Variants in ABHD17A observed in about 807,000 individuals in gnomAD.
ABHD17A encodes the protein alpha/beta hydrolase domain-containing protein 17A.
ABHD17A carries 10 observed loss-of-function variants against 26.8 expected under a neutral mutation model. The ratio of observed to expected loss-of-function variants is 0.37; its 90% CI spans 0.23 to 0.63. The LOEUF is 0.63. ABHD17A is among the 30% of genes least tolerant of loss of function. ABHD17A has a pLI of 0.61. For missense variants in ABHD17A, 292 were observed against 457.3 expected, an observed-to-expected ratio of 0.64 and a Z score of 3.30; for synonymous variants, 167 against 210.9, an observed-to-expected ratio of 0.79 and a Z score of 1.80.
rs759751377 is a variant in ABHD17A at position 1,877,184 on chromosome 19, C to G, written c.*16G>C. The G allele has an allele frequency of 1.1e-5, 15 of 1,399,996 alleles. No individual in the cohort carries two copies. The highest frequency in any genetic ancestry group is 7.2e-5 in the African/African-American group (5 of 69,528). 86.7% of individuals were successfully genotyped at this position (1,399,996 alleles called of 1,614,324 possible). A position where few individuals can be genotyped will look rare whatever the true frequency, so the allele number is the denominator to read the frequency against. On this transcript the variant is annotated 3_prime_UTR_variant, in exon 5 of 5. Transcript: ENST00000292577. ...GGGCCGCCTTATTGCTGAGGTCCGG[C>G]CGGTTGGGGCCGCCGCTAGGCGCGC... is the stretch of plus-strand genomic sequence containing the variant.
chr19:1,880,119 G>C lies in ABHD17A; in HGVS notation c.333-4C>G. Reference sequence around the variant, plus strand: ...GTGCGAGAAGAGGACCGTGTACCTGGGACAGGCCGAGAAGGGCCGTTCACA... The same window carrying C: ...GTGCGAGAAGAGGACCGTGTACCTGCGACAGGCCGAGAAGGGCCGTTCACA... On this transcript the variant is annotated splice_region_variant and splice_polypyrimidine_tract_variant and intron_variant, in intron 2 of 4. Transcript: ENST00000292577. The surrounding 1 kb of genome is among the most constrained non-coding windows in gnomAD (Gnocchi z 4.1). 2 of 1,612,762 alleles carry C rather than the reference G, an allele frequency of 1.2e-6. No homozygotes were observed. The highest frequency in any genetic ancestry group is 1.1e-5 in the South Asian group (1 of 91,060).
rs1785317408 is a variant in ABHD17A, at chr19:1,880,984, T to TG, written c.332+250dup. 1 of 1,612,410 alleles carries TG rather than the reference T, an allele frequency of 6.2e-7. No homozygotes were observed. ...AGGCAACCACCAGGCGCTGGGTTGT[T>TG]GGAGTCGCCCAGCCTGCCCACCCAT... On this transcript the variant is annotated intron_variant, in intron 2 of 4. Coordinates refer to ENST00000292577, the MANE Select transcript of ABHD17A (RefSeq NM_001130111.2). The surrounding 1 kb of genome is among the most constrained non-coding windows in gnomAD (Gnocchi z 4.1).
intron 1 of ABHD17A, chr19:1,882,575 A>C (rs1219945400): frequency 6.6e-6 from 1 of 152,080 alleles, no homozygotes; most frequent in South Asian, 2.1e-4. Flanking sequence ...ATAAGTGCAG[A>C]CACCACACAC....
intron 1 of ABHD17A, chr19:1,883,098 G>C (rs754042651): frequency 1.8e-4 from 27 of 152,422 alleles, no homozygotes; most frequent in Non-Finnish European, 4.4e-5. Context: ...AGGAGGAGAG[G>C]AGAGAGCTCT....
chr19:1,885,189 T>C (rs2145399995), intron 1 of ABHD17A, among the ~76,000 whole-genome samples, 163 bp downstream of exon 1: 1 of 152,066 alleles, frequency 6.6e-6, no homozygotes, highest in African/African-American at 2.4e-5. Flanking sequence ...TCACAGACGC[T>C]CATCCGCGGT....
At chr19:1,881,055 G>C in intron 2 of ABHD17A, 180 bp downstream of exon 2, 3 of 1,603,158 alleles carry the variant, frequency 1.9e-6, no homozygotes, top group South Asian at 2.2e-5. Context: ...TTGTCTGCGA[G>C]AGAAAATTGC....
chr19:1,877,487 G>A (rs775267476), intron 4 of ABHD17A, 21 bp downstream of exon 4: 40 of 1,573,598 alleles, frequency 2.5e-5, no homozygotes, highest in Non-Finnish European at 6.9e-6. Flanking sequence ...CCCCGCCCCC[G>A]TCCCCGCCCG....
rs1010875516 is a variant in ABHD17A at position 1,881,322 on chromosome 19, T to A, written c.245A>T (p.Glu82Val). The A allele has an allele frequency of 3.1e-6, 5 of 1,610,542 alleles. No individual in the cohort carries two copies. In the African/African-American group the frequency reaches 5.3e-5, roughly 17 times the overall value. The change falls in exon 2 of 5, where the codon GAG becomes GTG. Residue 82 changes from glutamate to valine, a missense_variant. Around this residue, in one of 4 missense-constraint regions of ABHD17A, gnomAD observed 171 missense variants for 216.1 expected, o/e 0.79. Coordinates refer to ENST00000292577, the MANE Select transcript of ABHD17A (RefSeq NM_001130111.2). ...ERADFQYSQR[E>V]LDTIEVFPTK... is the part of the protein sequence containing the mutation. Reference sequence around the variant, plus strand: ...GGGGAAGACCTCGATGGTGTCCAGCTCGCGCTGGCTGTACTGGAAGTCGGC... The same window carrying A: ...GGGGAAGACCTCGATGGTGTCCAGCACGCGCTGGCTGTACTGGAAGTCGGC...
In ABHD17A at chr19:1,876,881, G is replaced by C. The variant is rs201736327; in HGVS notation, c.*319C>G. 2.2e-5 allele frequency: 9 copies of C among 408,552 alleles called. No individual in the cohort carries two copies. The East Asian group carries it at 5.1e-4, about 23-fold the overall frequency. The allele number at this position is 408,552 out of a possible 1,614,324, so 25.3% of individuals were successfully genotyped here. A position where few individuals can be genotyped will look rare whatever the true frequency, so the allele number is the denominator to read the frequency against. On this transcript the variant is annotated 3_prime_UTR_variant, in exon 5 of 5. Transcript: ENST00000292577. ...GGGGTCCGTGCCGATCTCTCCTAGG[G>C]ACTCAGGGACGAAACCTGGGAACCC... is the stretch of plus-strand genomic sequence containing the variant.
rs781231411 is a variant in ABHD17A at position 1,880,848 on chromosome 19, A to T, written c.332+387T>A. The stretch of plus-strand genomic sequence containing the variant: ...CCCCAGGCCCCCACCTAGCCCAGCC[A>T]GAAGGTAAAGGCTCGCCCTCTGGAC... On this transcript the variant is annotated intron_variant, in intron 2 of 4. Transcript: ENST00000292577. The surrounding 1 kb of genome is among the most constrained non-coding windows in gnomAD (Gnocchi z 4.1). The T allele has an allele frequency of 7.5e-6, 12 of 1,607,892 alleles. No individual in the cohort carries two copies. The highest frequency in any genetic ancestry group is 9.3e-6 in the Non-Finnish European group (11 of 1,176,596).
intron 3 of ABHD17A, 157 bp from the exon 4 acceptor site, chr19:1,877,844 C>T (rs1360139768): frequency 6.1e-6 from 4 of 659,912 alleles, no homozygotes; most frequent in South Asian, 3.9e-5. Context: ...GTCCCGAGGG[C>T]CACCCCCAGC....
rs531894883 is a variant in ABHD17A, at chr19:1,876,906, C to A, written c.*294G>T. Reference sequence around the variant, plus strand: ...GACTCAGGGACGAAACCTGGGAACCCCGGCCCCCTTTCGAGCTCGCTGAGC... The same window carrying A: ...GACTCAGGGACGAAACCTGGGAACCACGGCCCCCTTTCGAGCTCGCTGAGC... On this transcript the variant is annotated 3_prime_UTR_variant, in exon 5 of 5. Transcript: ENST00000292577. The A allele has an allele frequency of 6.7e-6, 3 of 444,788 alleles. No homozygotes were observed. The highest frequency in any genetic ancestry group is 1.3e-3 in the Middle Eastern group (2 of 1,526). The allele number at this position is 444,788 out of a possible 1,614,324, so 27.6% of individuals were successfully genotyped here.
At chr19:1,884,753 T>G (rs1349219847) in intron 1 of ABHD17A, among the ~76,000 whole-genome samples, 2 of 152,040 alleles carry the variant, frequency 1.3e-5, no homozygotes, top group Non-Finnish European at 2.9e-5. Flanking sequence ...AGAAGGGTCC[T>G]AAGAGAGAGC....
At chr19:1,881,127 G>A in intron 2 of ABHD17A, 108 bp downstream of exon 2, 1 of 1,562,654 alleles carries the variant, frequency 6.4e-7, no homozygotes, top group Non-Finnish European at 8.7e-7. Flanking sequence ...GCCCTTCACG[G>A]CAGGCTCGGG....
In ABHD17A at chr19:1,880,012, C is replaced by T. The variant is rs1392972480; in HGVS notation, c.436G>A (p.Asp146Asn). 1.2e-6 allele frequency: 2 copies of T among 1,613,120 alleles called. No homozygotes were observed. The highest frequency in any genetic ancestry group is 1.3e-5 in the African/African-American group (1 of 74,956). ...GAGCTGGCACCGTAGCCGGAGTAGT[C>T]GTAGGAGAAGATGTTGCAGTGGAGG... is the stretch of plus-strand genomic sequence containing the variant. Reference protein sequence around the residue: ...SRLHCNIFSYDYSGYGASSGR... With the variant: ...SRLHCNIFSYNYSGYGASSGR... The change falls in exon 3 of 5, where the codon GAC becomes AAC. Residue 146 changes from aspartate to asparagine, a missense_variant. Asp to Asn is a conservative substitution (Grantham distance 23). Around this residue, in one of 4 missense-constraint regions of ABHD17A, gnomAD observed 171 missense variants for 216.1 expected, o/e 0.79. Transcript: ENST00000292577. This position sits in a 1 kb window ranked among gnomAD's most constrained non-coding sequence, Gnocchi z 4.1.
In ABHD17A at chr19:1,877,720, T is replaced by C. The variant is rs543749400; in HGVS notation, c.528-33A>G. 1.8e-4 allele frequency: 292 copies of C among 1,582,856 alleles called. No individual in the cohort carries two copies. The African/African-American group carries it at 3.5e-3, about 19-fold the overall frequency. Reference sequence around the variant, plus strand: ...CGCCGGAGCAGGGTCAGCCGCGGCCTCCGACGCGCGCGCACCCTTCCCACC... The same window carrying C: ...CGCCGGAGCAGGGTCAGCCGCGGCCCCCGACGCGCGCGCACCCTTCCCACC... On this transcript the variant is annotated intron_variant, in intron 3 of 4. Coordinates refer to ENST00000292577, the MANE Select transcript of ABHD17A (RefSeq NM_001130111.2).
chr19:1,880,490 G>A lies in ABHD17A; in HGVS notation c.333-375C>T, dbSNP rs2012492586. Among the ~76,000 whole-genome samples the A allele has an allele frequency of 6.6e-6, 1 of 152,198 alleles. No homozygotes were observed. The highest frequency in any genetic ancestry group is 6.5e-5 in the Admixed American group (1 of 15,288). ...TGCAGGCTTCACTGCCCTTCCTCCT[G>A]GAAGAACCTGGACCCCCGGGGATGG... On this transcript the variant is annotated intron_variant, in intron 2 of 4. Coordinates refer to ENST00000292577, the MANE Select transcript of ABHD17A (RefSeq NM_001130111.2). This position sits in a 1 kb window ranked among gnomAD's most constrained non-coding sequence, Gnocchi z 4.1.
chr19:1,881,680 G>A lies in ABHD17A; in HGVS notation c.-114C>T, dbSNP rs994040907. 50 of 1,359,986 alleles carry A rather than the reference G, an allele frequency of 3.7e-5. No individual in the cohort carries two copies. Among genetic ancestry groups the A allele is most frequent in the Middle Eastern group, 2.7e-4 (1 of 3,672 alleles). The allele number at this position is 1,359,986 out of a possible 1,614,324, so 84.2% of individuals were successfully genotyped here. A position where few individuals can be genotyped will look rare whatever the true frequency, so the allele number is the denominator to read the frequency against. Reference sequence around the variant, plus strand: ...CCGAGTCGCGGGCAGGGGGGAGAGCGCCCCCCCAGCTACCGCCCCAGACAG... The same window carrying A: ...CCGAGTCGCGGGCAGGGGGGAGAGCACCCCCCCAGCTACCGCCCCAGACAG... On this transcript the variant is annotated 5_prime_UTR_variant, in exon 2 of 5. Transcript: ENST00000292577.
In ABHD17A at chr19:1,881,815, A is replaced by T; in HGVS notation, c.-238-11T>A. ...GTGCCGTGGGAAGCCCTGCGGGGGA[A>T]CAGTGACATGTGGGGTCCTTTGGGG... On this transcript the variant is annotated splice_polypyrimidine_tract_variant and intron_variant, in intron 1 of 4. Coordinates refer to ENST00000292577, the MANE Select transcript of ABHD17A (RefSeq NM_001130111.2). 2.0e-6 allele frequency: 1 copy of T among 492,566 alleles called. No individual in the cohort carries two copies. Among genetic ancestry groups the T allele is most frequent in the Non-Finnish European group, 3.4e-6 (1 of 295,612 alleles). 30.5% of individuals were successfully genotyped at this position (492,566 alleles called of 1,614,324 possible). A position where few individuals can be genotyped will look rare whatever the true frequency, so the allele number is the denominator to read the frequency against.
Sources: allele counts gnomAD v4.1 joint callset (sites outside exome capture counted in the v4.1 genomes callset), GRCh38; gene constraint gnomAD v4.1.1; regional missense constraint gnomAD v4.1.1; non-coding constraint Gnocchi (gnomAD v3.1); transcripts MANE v1.5; gene names NCBI Gene and HGNC (gene_info 2026-07-23, HGNC 2026-07-21).